Variants in CDH4 observed in about 807,000 individuals in gnomAD.
CDH4 encodes cadherin-4.
CDH4 carries 33 observed loss-of-function variants against 86.0 expected under a neutral mutation model. That is an observed-to-expected ratio of 0.38 (90% CI 0.29 to 0.51). The LOEUF is 0.51. Among genes scored for constraint, CDH4 ranks in the 20% least tolerant of loss-of-function variants. CDH4 has a pLI of 0.86. For synonymous variants in CDH4, 555 were observed against 549.4 expected (o/e 1.01, Z -0.14); for missense variants, 1,114 against 1,307.4 (o/e 0.85, Z 2.28).
chr20:61,934,020 C>T (rs1206687030), intron 14 of CDH4, 36 bp from the exon 15 acceptor site: 1 of 1,606,238 alleles, frequency 6.2e-7, no homozygotes, highest in Non-Finnish European at 8.5e-7. Flanking sequence ...GCGGATTCTT[C>T]TGATGCCCCT....
Position 61,932,980 on chromosome 20 carries a change from C to T in CDH4, c.2240-5C>T. 4 of 1,610,752 alleles carry T rather than the reference C, an allele frequency of 2.5e-6. No individual in the cohort carries two copies. Among genetic ancestry groups the T allele is most frequent in the Admixed American group, 1.7e-5 (1 of 59,982 alleles). ...ACCCTGCTCACGGGCAGCCCTCCCC[C>T]ACAGCCATGGTCCTGCTGTTTGTCA... On this transcript the variant is annotated splice_region_variant and splice_polypyrimidine_tract_variant and intron_variant, in intron 13 of 15. Coordinates refer to ENST00000614565, the MANE Select transcript of CDH4 (RefSeq NM_001794.5).
At chr20:61,881,237 C>A (rs1252805094) in intron 7 of CDH4, among the ~76,000 whole-genome samples, 1 of 152,208 alleles carries the variant, frequency 6.6e-6, no homozygotes, top group African/African-American at 2.4e-5. Context: ...CACCGTGGGG[C>A]CACGTGCACA....
At position 61,925,990 on chromosome 20, in the gene CDH4, T is replaced by C. The variant is rs142520418; in HGVS notation, c.1771+1514T>C. 1.5e-3 allele frequency among the ~76,000 whole-genome samples: 221 copies of C among 152,322 alleles called. 4 individuals carry two copies. Among genetic ancestry groups the C allele is most frequent in the African/African-American group, 5.0e-3 (208 of 41,574 alleles). On this transcript the variant is annotated intron_variant, in intron 11 of 15. Transcript: ENST00000614565. The stretch of plus-strand genomic sequence containing the variant: ...GCGCTGGGAAATGGGGTCTTCTAGA[T>C]GGACAGTGATGATCCCAGACAAAAT...
rs920783005 is a variant in CDH4 at position 61,938,829 on chromosome 20, CT to C, written c.*1887del. On this transcript the variant is annotated 3_prime_UTR_variant, in exon 16 of 16. Coordinates refer to ENST00000614565, the MANE Select transcript of CDH4 (RefSeq NM_001794.5). ...GTCCAAACCAAACTCACAGCTGCCCCTGTGCAGCCTTCAGAGTTGAGCTGGG... is the reference window on the plus strand; with the variant it reads ...GTCCAAACCAAACTCACAGCTGCCCCGTGCAGCCTTCAGAGTTGAGCTGGG... The C allele has an allele frequency of 6.6e-6, 1 of 152,436 alleles. No individual in the cohort carries two copies. Among genetic ancestry groups the C allele is most frequent in the East Asian group, 1.9e-4 (1 of 5,200 alleles). 9.4% of individuals were successfully genotyped at this position (152,436 alleles called of 1,614,324 possible).
At chr20:61,787,320 CTT>C (rs2146009087) in intron 4 of CDH4, among the ~76,000 whole-genome samples, 1 of 152,300 alleles carries the variant, frequency 6.6e-6, no homozygotes, top group African/African-American at 2.4e-5. Flanking sequence ...CCTCAGGAAA[CTT>C]ATAATCATGG....
chr20:61,667,291 G>C (rs560089374), intron 2 of CDH4, among the ~76,000 whole-genome samples: 1 of 152,192 alleles, frequency 6.6e-6, no homozygotes, highest in Admixed American at 6.5e-5. Context: ...CGGAGCCCTC[G>C]ATGCACATCC....
intron 2 of CDH4, among the ~76,000 whole-genome samples, chr20:61,441,950 A>T (rs1053930204): frequency 6.6e-6 from 1 of 152,038 alleles, no homozygotes; most frequent in Non-Finnish European, 1.5e-5. Context: ...CTTCAGAAAA[A>T]CTTGAGCCCT....
intron 2 of CDH4, among the ~76,000 whole-genome samples, chr20:61,598,152 TG>T (rs1415534730): frequency 1.3e-5 from 2 of 152,102 alleles, no homozygotes; most frequent in Non-Finnish European, 2.9e-5. Context: ...ACTTGCCTCT[TG>T]GGGGCATGCT....
intron 2 of CDH4, among the ~76,000 whole-genome samples, chr20:61,443,414 G>C (rs199813861): frequency 1.3e-5 from 2 of 152,172 alleles, no homozygotes; most frequent in African/African-American, 2.4e-5. Flanking sequence ...TGTCAGTACC[G>C]GCAGTGAAGA....
At chr20:61,856,144 C>A (rs1010987645) in intron 6 of CDH4, among the ~76,000 whole-genome samples, 1 of 152,208 alleles carries the variant, frequency 6.6e-6, no homozygotes, top group African/African-American at 2.4e-5. Flanking sequence ...GGGTTCTACA[C>A]AGTGCCTTTG....
At chr20:61,570,417 T>C in intron 2 of CDH4, 1 of 474,912 alleles carries the variant, frequency 2.1e-6, no homozygotes, top group South Asian at 3.1e-5. Flanking sequence ...ACGTACACTT[T>C]GGGCTTCAGC....
intron 2 of CDH4, among the ~76,000 whole-genome samples, chr20:61,328,768 C>A (rs558121973): frequency 1.3e-5 from 2 of 152,252 alleles, no homozygotes; most frequent in South Asian, 4.1e-4. Context: ...CCTGAAGTGA[C>A]AGAGGGAGAC....
At chr20:61,580,561 ACTAG>A (rs1048848034) in intron 2 of CDH4, among the ~76,000 whole-genome samples, 1 of 152,178 alleles carries the variant, frequency 6.6e-6, no homozygotes, top group Admixed American at 6.5e-5. Flanking sequence ...TCACACCTTA[ACTAG>A]CAGCGTGCAT....
chr20:61,445,894 G>A (rs946057145), intron 2 of CDH4, among the ~76,000 whole-genome samples: 23 of 152,252 alleles, frequency 1.5e-4, no homozygotes, highest in African/African-American at 5.3e-4. Context: ...TCCTGAAGGA[G>A]GCCATCTGTG....
chr20:61,501,117 CAT>C lies in CDH4; in HGVS notation c.170-242445_170-242444del, dbSNP rs1043683450. On this transcript the variant is annotated intron_variant, in intron 2 of 15. Transcript: ENST00000614565. The surrounding 1 kb of genome is among the most constrained non-coding windows in gnomAD (Gnocchi z 4.2). ...GGTCTTCTCTGGTTAAGACCAGAAA[CAT>C]GTTTCTGTAGAGCCCAAAACAGGCC... Among the ~76,000 whole-genome samples the C allele has an allele frequency of 6.6e-6, 1 of 152,178 alleles. No individual in the cohort carries two copies. The highest frequency in any genetic ancestry group is 1.5e-5 in the Non-Finnish European group (1 of 68,042).
chr20:61,525,299 C>T (rs2085901889), intron 2 of CDH4, among the ~76,000 whole-genome samples: 1 of 152,132 alleles, frequency 6.6e-6, no homozygotes, highest in South Asian at 2.1e-4. Flanking sequence ...TAGAGAAGCC[C>T]CAGGAGAAAG....
At chr20:61,739,501 G>A (rs1208494970) in intron 2 of CDH4, among the ~76,000 whole-genome samples, 2 of 152,208 alleles carry the variant, frequency 1.3e-5, no homozygotes, top group African/African-American at 2.4e-5. Flanking sequence ...GTGAGGGGAG[G>A]GGTAGGGCAG....
rs904097268 is a variant in CDH4, at chr20:61,582,071, C to T, written c.170-161492C>T. ...TGCTCCCAGCCCTCCAGCCTGGCTG[C>T]GGGTGATCCACTCCCTGTTTTACTT... On this transcript the variant is annotated intron_variant, in intron 2 of 15. Coordinates refer to ENST00000614565, the MANE Select transcript of CDH4 (RefSeq NM_001794.5). This position sits in a 1 kb window ranked among gnomAD's most constrained non-coding sequence, Gnocchi z 4.2. 4.6e-5 allele frequency among the ~76,000 whole-genome samples: 7 copies of T among 152,198 alleles called. No individual in the cohort carries two copies. The highest frequency in any genetic ancestry group is 8.8e-5 in the Non-Finnish European group (6 of 68,030).
At chr20:61,779,602 C>T (rs1019037438) in intron 4 of CDH4, among the ~76,000 whole-genome samples, 3 of 152,250 alleles carry the variant, frequency 2.0e-5, no homozygotes, top group Non-Finnish European at 4.4e-5. Context: ...TGGATAAATT[C>T]GGTTCCCATT....
Sources: gnomAD v4.1 joint callset for allele counts (sites outside exome capture counted in the v4.1 genomes callset) on GRCh38, gnomAD v4.1.1 for gene constraint, Gnocchi (gnomAD v3.1) non-coding constraint, MANE v1.5 for transcripts, NCBI Gene and HGNC (gene_info 2026-07-23, HGNC 2026-07-21) for gene names.